Variants in GOLIM4 observed in about 807,000 individuals in gnomAD.
GOLIM4 encodes the protein 130 kDa golgi-localized phosphoprotein.
GOLIM4 carries 71 observed loss-of-function variants against 107.4 expected under a neutral mutation model. That is an observed-to-expected ratio of 0.66 (90% CI 0.55 to 0.81). GOLIM4 has a LOEUF of 0.81. GOLIM4 is among the 30% of genes least tolerant of loss of function. The pLI, the probability that GOLIM4 is intolerant of heterozygous loss-of-function variation, is 0.00. For missense variants in GOLIM4, 830 were observed against 826.1 expected (o/e 1.00, Z -0.06); for synonymous variants, 327 against 294.8 (o/e 1.11, Z -1.12).
Position 168,029,769 on chromosome 3 carries a change from G to C in GOLIM4, c.1433+11C>G. The C allele has an allele frequency of 6.2e-7, 1 of 1,610,882 alleles. No homozygotes were observed. The highest frequency in any genetic ancestry group is 1.7e-5 in the Admixed American group (1 of 59,984). On this transcript the variant is annotated intron_variant, in intron 10 of 15. Coordinates refer to ENST00000470487, the MANE Select transcript of GOLIM4 (RefSeq NM_014498.5). ...GGGCTGTCTTCGTTCATTAAGGAAG[G>C]GGAAGGCTACCGGAGCTGCTCCTGG...
chr3:168,028,504 G>C (rs6785546), intron 11 of GOLIM4, among the ~76,000 whole-genome samples: 61,273 of 152,040 alleles, frequency 0.4, 13,131 homozygotes, highest in Middle Eastern at 0.55. Flanking sequence ...TAAGCCTAGA[G>C]AAAATGATGA....
intron 4 of GOLIM4, 60 bp downstream of exon 4, chr3:168,044,768 C>T (rs1719206149): frequency 1.1e-6 from 1 of 904,016 alleles, no homozygotes; most frequent in Non-Finnish European, 1.7e-6. Context: ...GGCCATTAGT[C>T]AGTTCAAGTA....
At position 168,010,217 on chromosome 3, in the gene GOLIM4, A is replaced by G; in HGVS notation, c.*52T>C. Reference sequence around the variant, plus strand: ...AGTTCAGTAGGCAGATTTATGTTTGAGCAGCTTGAAAAGAATCCGTTGGCT... The same window carrying G: ...AGTTCAGTAGGCAGATTTATGTTTGGGCAGCTTGAAAAGAATCCGTTGGCT... On this transcript the variant is annotated 3_prime_UTR_variant, in exon 16 of 16. Coordinates refer to ENST00000470487, the MANE Select transcript of GOLIM4 (RefSeq NM_014498.5). 1 of 1,527,656 alleles carries G rather than the reference A, an allele frequency of 6.5e-7. No individual in the cohort carries two copies. Among genetic ancestry groups the G allele is most frequent in the Admixed American group, 2.0e-5 (1 of 50,628 alleles). The allele number at this position is 1,527,656 out of a possible 1,614,324, so 94.6% of individuals were successfully genotyped here.
chr3:168,039,499 G>A (rs1243777842), intron 7 of GOLIM4, among the ~76,000 whole-genome samples: 2 of 151,928 alleles, frequency 1.3e-5, no homozygotes, highest in Non-Finnish European at 2.9e-5. Context: ...CCTGACCTCA[G>A]GTGATCCACC....
At chr3:168,081,725 C>T (rs187333523) in intron 1 of GOLIM4, among the ~76,000 whole-genome samples, 6 of 152,208 alleles carry the variant, frequency 3.9e-5, no homozygotes, top group Non-Finnish European at 7.4e-5. Flanking sequence ...CTCTGTAACA[C>T]AGGGTTGTTT....
intron 5 of GOLIM4, among the ~76,000 whole-genome samples, chr3:168,043,147 A>G (rs1011565993): frequency 6.6e-6 from 1 of 152,216 alleles, no homozygotes; most frequent in Non-Finnish European, 1.5e-5. Flanking sequence ...ACTGAGATAC[A>G]AGAGAATACA....
chr3:168,043,570 A>G (rs1247021198), intron 4 of GOLIM4, 41 bp from the exon 5 acceptor site: 1 of 1,534,858 alleles, frequency 6.5e-7, no homozygotes, highest in East Asian at 2.3e-5. Flanking sequence ...ACATTCTCTG[A>G]ATTATATGAG....
At chr3:168,089,791 C>CA (rs1182623047) in intron 1 of GOLIM4, among the ~76,000 whole-genome samples, 5 of 139,412 alleles carry the variant, frequency 3.6e-5, no homozygotes, top group African/African-American at 1.4e-4. Flanking sequence ...TTTTTTGAGA[C>CA]AGAGTCTCGC....
At chr3:168,054,247 G>A (rs1719809776) in intron 1 of GOLIM4, among the ~76,000 whole-genome samples, 1 of 152,144 alleles carries the variant, frequency 6.6e-6, no homozygotes, top group South Asian at 2.1e-4. Context: ...AGGCCTGGGG[G>A]GGCAAAACCT....
Position 168,064,003 on chromosome 3 carries a change from G to A in GOLIM4, c.188-15638C>T, listed in dbSNP as rs560006567. Among the ~76,000 whole-genome samples the A allele has an allele frequency of 3.3e-5, 5 of 152,250 alleles. No homozygotes were observed. The South Asian group carries it at 1.0e-3, about 32-fold the overall frequency. Reference sequence around the variant, plus strand: ...GGAGGATTTTGTGAAAGTTTATTCTGGCAAGCAGGCCTTGAGATACTTCCA... The same window carrying A: ...GGAGGATTTTGTGAAAGTTTATTCTAGCAAGCAGGCCTTGAGATACTTCCA... On this transcript the variant is annotated intron_variant, in intron 1 of 15. Transcript: ENST00000470487.
chr3:168,021,026 GCTT>G (rs1717647512), intron 14 of GOLIM4, among the ~76,000 whole-genome samples: 1 of 152,128 alleles, frequency 6.6e-6, no homozygotes, highest in Non-Finnish European at 1.5e-5. Context: ...CCCAAACAAT[GCTT>G]CTTGTTACTC....
intron 14 of GOLIM4, among the ~76,000 whole-genome samples, chr3:168,017,555 G>A (rs1717440572): frequency 6.6e-6 from 1 of 152,170 alleles, no homozygotes; most frequent in Non-Finnish European, 1.5e-5. Context: ...AGAAATTTGA[G>A]AGCTGTGACA....
intron 1 of GOLIM4, among the ~76,000 whole-genome samples, chr3:168,050,690 T>C (rs954740606): frequency 1.3e-5 from 2 of 152,004 alleles, no homozygotes; most frequent in Admixed American, 1.3e-4. Flanking sequence ...CTGATTGCAC[T>C]AATGGACATA....
At position 168,010,157 on chromosome 3, in the gene GOLIM4, T is replaced by C. The variant is rs1489861652; in HGVS notation, c.*112A>G. On this transcript the variant is annotated 3_prime_UTR_variant, in exon 16 of 16. Coordinates refer to ENST00000470487, the MANE Select transcript of GOLIM4 (RefSeq NM_014498.5). Reference sequence around the variant, plus strand: ...TTCTAATACAAAAGTTTTAAAAAAGTCTAAGTTCTTAATTTTTGTAATTAA... The same window carrying C: ...TTCTAATACAAAAGTTTTAAAAAAGCCTAAGTTCTTAATTTTTGTAATTAA... 1.0e-6 allele frequency: 1 copy of C among 960,204 alleles called. No individual in the cohort carries two copies. Among genetic ancestry groups the C allele is most frequent in the East Asian group, 2.6e-5 (1 of 39,192 alleles). The allele number at this position is 960,204 out of a possible 1,614,324, so 59.5% of individuals were successfully genotyped here. A position where few individuals can be genotyped will look rare whatever the true frequency, so the allele number is the denominator to read the frequency against.
rs190463952 is a variant in GOLIM4, at chr3:168,041,811, C to T, written c.518-337G>A. ...GAATAAAATATAATGCGTAGGTGTA[C>T]TCAGATTTGAGTCTCTTCACAAATT... On this transcript the variant is annotated intron_variant, in intron 5 of 15. Transcript: ENST00000470487. 4.1e-4 allele frequency among the ~76,000 whole-genome samples: 62 copies of T among 152,104 alleles called. No individual in the cohort carries two copies. In the Middle Eastern group the frequency reaches 0.01, roughly 25 times the overall value.
intron 8 of GOLIM4, among the ~76,000 whole-genome samples, chr3:168,034,381 G>A (rs1369018980): frequency 1.3e-5 from 2 of 152,158 alleles, no homozygotes; most frequent in Non-Finnish European, 2.9e-5. Context: ...TCTGACAAGG[G>A]CAGAAAATAG....
chr3:168,033,036 TA>T (rs1718425796), intron 8 of GOLIM4, among the ~76,000 whole-genome samples, 184 bp from the exon 9 acceptor site: 1 of 152,160 alleles, frequency 6.6e-6, no homozygotes. Context: ...ATCTCACTTA[TA>T]AAATAGACAT....
intron 1 of GOLIM4, among the ~76,000 whole-genome samples, chr3:168,080,363 TGA>T (rs1427974620): frequency 6.6e-6 from 1 of 152,176 alleles, no homozygotes; most frequent in African/African-American, 2.4e-5. Context: ...ACAATTAAAA[TGA>T]GAGTTGTGTT....
chr3:168,038,719 G>GA (rs570343178), intron 7 of GOLIM4, among the ~76,000 whole-genome samples: 451 of 152,342 alleles, frequency 3.0e-3, no homozygotes, highest in African/African-American at 0.01. Flanking sequence ...GCAGGTGCCT[G>GA]AAACAGCATT....
Sources: allele counts gnomAD v4.1 joint callset (sites outside exome capture counted in the v4.1 genomes callset), GRCh38; gene constraint gnomAD v4.1.1; transcripts MANE v1.5; gene names NCBI Gene and HGNC (gene_info 2026-07-23, HGNC 2026-07-21).